Variants in TNC observed in about 807,000 individuals in gnomAD.
The protein encoded by TNC is tenascin C.
In TNC, 109 loss-of-function variants were observed where a neutral mutation model predicts 202.4. The observed-to-expected ratio is 0.54, with a 90% CI of 0.46 to 0.63. TNC has a LOEUF of 0.63. TNC is among the 30% of genes least tolerant of loss of function. The pLI is 0.00. For missense variants in TNC, 2,756 were observed against 2,833.3 expected (o/e 0.97, Z 0.62); for synonymous variants, 1,007 against 1,089.7 (o/e 0.92, Z 1.50).
chr9:115,035,222 T>G lies in TNC; in HGVS notation c.5769A>C (p.Ser1923=), dbSNP rs986942612. Residue 1923 remains serine (S), a synonymous_variant, in exon 22 of 28, where the codon TCA becomes TCC. Coordinates refer to ENST00000350763, the MANE Select transcript of TNC (RefSeq NM_002160.4). ...SVTGYLLVYE[S]VDGTVKEVIV... Reference sequence around the variant, plus strand: ...AAAATACCTTGACTGTGCCATCCACTGATTCATAGACCAGCAGGTAACCGG... The same window carrying G: ...AAAATACCTTGACTGTGCCATCCACGGATTCATAGACCAGCAGGTAACCGG... 3 of 1,612,598 alleles carry G rather than the reference T, an allele frequency of 1.9e-6. No homozygotes were observed. In the African/African-American group the frequency reaches 4.0e-5, roughly 22 times the overall value.
Position 115,081,914 on chromosome 9 carries a change from C to T in TNC, c.2262G>A (p.Glu754=), listed in dbSNP as rs776360344. Residue 754 remains glutamate, a synonymous_variant, in exon 6 of 28, where the codon GAG becomes GAA. Coordinates refer to ENST00000350763, the MANE Select transcript of TNC (RefSeq NM_002160.4). The part of the protein sequence containing the change: ...IIFRNMNKED[E]GEITKSLRRP... ...TCCTCAGGCTTTTGGTGATCTCTCC[C>T]TCATCTTCTTTATTCTGAGAGATAG... 6.3e-7 allele frequency: 1 copy of T among 1,588,580 alleles called. No individual in the cohort carries two copies. Among genetic ancestry groups the T allele is most frequent in the Non-Finnish European group, 8.5e-7 (1 of 1,173,764 alleles).
chr9:115,092,045 C>A (rs900413026), intron 1 of TNC, among the ~76,000 whole-genome samples: 4 of 152,212 alleles, frequency 2.6e-5, no homozygotes, highest in East Asian at 1.9e-4. Flanking sequence ...GTATACATAC[C>A]ATCAGGGGAC....
At chr9:115,045,699 A>G (rs1245064205) in intron 17 of TNC, among the ~76,000 whole-genome samples, 1 of 150,960 alleles carries the variant, frequency 6.6e-6, no homozygotes, top group Non-Finnish European at 1.5e-5. Flanking sequence ...CATATTATTA[A>G]CCATCTTTTT....
intron 1 of TNC, among the ~76,000 whole-genome samples, chr9:115,103,079 A>T (rs1836357094): frequency 6.6e-6 from 1 of 152,208 alleles, no homozygotes; most frequent in Non-Finnish European, 1.5e-5. Context: ...TTATTCAGTG[A>T]GTATTTACTA....
chr9:115,082,924 G>A, intron 4 of TNC, 117 bp from the exon 5 acceptor site: 1 of 675,580 alleles, frequency 1.5e-6, no homozygotes, highest in Non-Finnish European at 2.6e-6. Flanking sequence ...CTGACAACCA[G>A]AGCAGGTGTC....
chr9:115,038,637 A>G (rs1329336321), intron 19 of TNC, among the ~76,000 whole-genome samples: 3 of 152,122 alleles, frequency 2.0e-5, no homozygotes, highest in African/African-American at 7.2e-5. Context: ...TTTCATCTTC[A>G]GTGTTATTTT....
intron 1 of TNC, among the ~76,000 whole-genome samples, chr9:115,117,381 A>G (rs1837546855): frequency 6.6e-6 from 1 of 151,614 alleles, no homozygotes; most frequent in Non-Finnish European, 1.5e-5. Flanking sequence ...GTTCTCCACC[A>G]CTCTCTAGCT....
chr9:115,048,483 G>A lies in TNC; in HGVS notation c.4629C>T (p.Tyr1543=), dbSNP rs758154743. The change falls in exon 16 of 28, where the codon TAC becomes TAT. Residue 1543 remains tyrosine (Y), a synonymous_variant. Transcript: ENST00000350763. ...ATGCCATCCAGGAAACTGTGAACCC[G>A]TAGGGATTAATGTCGGAAATGGTTA... The part of the protein sequence containing the change: ...ENLTISDINP[Y]GFTVSWMASE... 10 of 1,613,956 alleles carry A rather than the reference G, an allele frequency of 6.2e-6. No individual in the cohort carries two copies. The highest frequency in any genetic ancestry group is 8.5e-6 in the Non-Finnish European group (10 of 1,179,940).
Position 115,020,010 on chromosome 9 carries a change from T to C in TNC, c.*1147A>G, listed in dbSNP as rs950871044. 2.6e-5 allele frequency: 4 copies of C among 152,278 alleles called. No homozygotes were observed. The highest frequency in any genetic ancestry group is 7.2e-5 in the African/African-American group (3 of 41,550). 9.4% of individuals were successfully genotyped at this position (152,278 alleles called of 1,614,324 possible). On this transcript the variant is annotated 3_prime_UTR_variant, in exon 28 of 28. Coordinates refer to ENST00000350763, the MANE Select transcript of TNC (RefSeq NM_002160.4). Reference sequence around the variant, plus strand: ...TTAGTCTTGGAAATACTGAGCAAGATGCTGAATCTCAAGTTGTAAGCTTTT... The same window carrying C: ...TTAGTCTTGGAAATACTGAGCAAGACGCTGAATCTCAAGTTGTAAGCTTTT...
chr9:115,062,682 A>G (rs1329335047), intron 13 of TNC, among the ~76,000 whole-genome samples: 1 of 151,804 alleles, frequency 6.6e-6, no homozygotes, highest in Admixed American at 6.6e-5. Flanking sequence ...CACTATATAT[A>G]TAAGTATATA....
At chr9:115,048,647 T>C (rs1831400739) in intron 15 of TNC, 115 bp from the exon 16 acceptor site, 6 of 1,104,404 alleles carry the variant, frequency 5.4e-6, no homozygotes, top group Non-Finnish European at 7.6e-6. Context: ...ATTTGTGTTA[T>C]ATGCTTAGAA....
At chr9:115,073,926 G>T in intron 9 of TNC, 60 bp from the exon 10 acceptor site, 1 of 1,541,966 alleles carries the variant, frequency 6.5e-7, no homozygotes, top group Non-Finnish European at 8.7e-7. Flanking sequence ...TGCTTCTGGG[G>T]CTGAAAGTCA....
intron 6 of TNC, among the ~76,000 whole-genome samples, chr9:115,078,860 T>A (rs1293788835): frequency 2.6e-5 from 4 of 152,220 alleles, no homozygotes; most frequent in Non-Finnish European, 5.9e-5. Flanking sequence ...ATTATGCTGT[T>A]GGGCACCGCC....
At position 115,086,482 on chromosome 9, in the gene TNC, G is replaced by T; in HGVS notation, c.1249C>A (p.Arg417Ser). 6.2e-7 allele frequency: 1 copy of T among 1,613,806 alleles called. No homozygotes were observed. Among genetic ancestry groups the T allele is most frequent in the Non-Finnish European group, 8.5e-7 (1 of 1,180,022 alleles). ...CACACACACTGCCCATTGACACAGC[G>T]GCCATGGCCACTGCAGCCATTGGGA... Reference protein sequence around the residue: ...KCPNGCSGHGRCVNGQCVCDE... With the variant: ...KCPNGCSGHGSCVNGQCVCDE... The change falls in exon 3 of 28, where the codon CGC (arginine) becomes AGC (serine). Residue 417 changes from arginine to serine, a missense_variant. By Grantham distance (110) the Arg-to-Ser change is moderately radical (BLOSUM62 -1). Coordinates refer to ENST00000350763, the MANE Select transcript of TNC (RefSeq NM_002160.4).
At chr9:115,095,478 ATG>A (rs1395704682) in intron 1 of TNC, among the ~76,000 whole-genome samples, 6 of 56,864 alleles carry the variant, frequency 1.1e-4, no homozygotes, top group East Asian at 4.5e-4. Flanking sequence ...ATGTATATAT[ATG>A]TATATATATA....
At chr9:115,047,586 C>T (rs1019363217) in intron 16 of TNC, among the ~76,000 whole-genome samples, 1 of 152,140 alleles carries the variant, frequency 6.6e-6, no homozygotes, top group Non-Finnish European at 1.5e-5. Flanking sequence ...CTTTGTTTAA[C>T]TCAGTCTTTC....
Position 115,021,272 on chromosome 9 carries a change from T to TAAA in TNC, c.6496-8_6496-6dup. The TAAA allele has an allele frequency of 2.2e-6, 3 of 1,334,048 alleles. No homozygotes were observed. Among genetic ancestry groups the TAAA allele is most frequent in the Admixed American group, 2.1e-5 (1 of 47,224 alleles). The allele number at this position is 1,334,048 out of a possible 1,614,324, so 82.6% of individuals were successfully genotyped here. On this transcript the variant is annotated splice_region_variant and splice_polypyrimidine_tract_variant and intron_variant, in intron 27 of 27. Coordinates refer to ENST00000350763, the MANE Select transcript of TNC (RefSeq NM_002160.4). The stretch of plus-strand genomic sequence containing the variant: ...CCAGTGGAACCAGTTAACGCCCTGT[T>TAAA]AAAAAAAAAAAAGAGAGAGAGAGAG...
chr9:115,072,296 T>A (rs894075104), intron 10 of TNC, among the ~76,000 whole-genome samples: 3 of 152,152 alleles, frequency 2.0e-5, no homozygotes, highest in African/African-American at 7.2e-5. Flanking sequence ...GACACTGAGA[T>A]GACTTTGAGA....
rs1138545 is a variant in TNC, at chr9:115,073,620, C to T, written c.3197G>A (p.Arg1066His). 0.14 allele frequency: 228,653 copies of T among 1,613,578 alleles called. 17,186 individuals carry two copies. The highest frequency in any genetic ancestry group is 0.15 in the Non-Finnish European group (181,360 of 1,179,692). ...EKGRHKSKPA[R>H]VKASTEQAPE... Reference sequence around the variant, plus strand: ...AGACTCACCAGTGGATGCCTTCACACGTGCGGGCTTGCTCTTGTGTCTGCC... The same window carrying T: ...AGACTCACCAGTGGATGCCTTCACATGTGCGGGCTTGCTCTTGTGTCTGCC... The change falls in exon 10 of 28, where the codon CGT (arginine) becomes CAT (histidine). Residue 1066 changes from arginine to histidine, a missense_variant. Physicochemically the swap from Arg to His is conservative, Grantham distance 29. Around this residue, in one of 2 missense-constraint regions of TNC, gnomAD observed 2,559 missense variants for 2,546.0 expected, o/e 1.01. Transcript: ENST00000350763.
Sources: gnomAD v4.1 joint callset for allele counts (sites outside exome capture counted in the v4.1 genomes callset) on GRCh38, gnomAD v4.1.1 for gene constraint, gnomAD v4.1.1 regional missense constraint, MANE v1.5 for transcripts, NCBI Gene and HGNC (gene_info 2026-07-23, HGNC 2026-07-21) for gene names.